AMH: variants seen among roughly 807,000 people sequenced by gnomAD.
AMH encodes anti-Muellerian hormone.
In AMH, 39 loss-of-function variants were observed where a neutral mutation model predicts 33.3. The ratio of observed to expected loss-of-function variants is 1.17; its 90% CI spans 0.91 to 1.53. The LOEUF (loss-of-function observed/expected upper bound fraction) is 1.53. Ranked by LOEUF, AMH falls within the 40% of genes most tolerant of loss-of-function variation. The pLI is 0.00. For synonymous variants in AMH, 536 were observed against 403.0 expected (o/e 1.33, Z -3.95); for missense variants, 1,019 against 799.8 (o/e 1.27, Z -3.30).
In AMH at chr19:2,250,761, G is replaced by T; in HGVS notation, c.664+1G>T. The T allele has an allele frequency of 6.5e-7, 1 of 1,535,034 alleles. No homozygotes were observed. Among genetic ancestry groups the T allele is most frequent in the South Asian group, 1.2e-5 (1 of 84,074 alleles). The stretch of plus-strand genomic sequence containing the variant: ...TTGACCCTGCAGCCCCGCGGAGAGG[G>T]TAGGTCCGCGTGGAGAGGGACGGGG... On this transcript the variant is annotated splice_donor_variant, in intron 3 of 4. Transcript: ENST00000221496. LOFTEE classifies it high-confidence loss of function.
chr19:2,251,366 C>T lies in AMH; in HGVS notation c.1092C>T (p.His364=). 6.8e-7 allele frequency: 1 copy of T among 1,481,070 alleles called. No individual in the cohort carries two copies. The highest frequency in any genetic ancestry group is 8.9e-7 in the Non-Finnish European group (1 of 1,122,932). 91.7% of individuals were successfully genotyped at this position (1,481,070 alleles called of 1,614,324 possible). A position where few individuals can be genotyped will look rare whatever the true frequency, so the allele number is the denominator to read the frequency against. ...CCACCGGGGATCCTGCGCCCCTGCACGACCCCACGTCGGCGCCGTGGGCCA... is the reference window on the plus strand; with the variant it reads ...CCACCGGGGATCCTGCGCCCCTGCATGACCCCACGTCGGCGCCGTGGGCCA... ...AATTGDPAPL[H]DPTSAPWATA... is the part of the protein sequence containing the mutation. Residue 364 remains histidine (H), a synonymous_variant, in exon 5 of 5, where the codon CAC becomes CAT. Coordinates refer to ENST00000221496, the MANE Select transcript of AMH (RefSeq NM_000479.5).
chr19:2,250,451 T>C lies in AMH; in HGVS notation c.527T>C (p.Val176Ala). 1 of 1,551,712 alleles carries C rather than the reference T, an allele frequency of 6.4e-7. No homozygotes were observed. The change falls in exon 2 of 5, where the codon GTG (valine) becomes GCG (alanine). Residue 176 changes from valine to alanine, a missense_variant. Physicochemically the swap from Val to Ala is moderately conservative, Grantham distance 64. Transcript: ENST00000221496. ...LYPGPGPEVT[V>A]TRAGLPGAQS... ...CCTGGGCCTGGCCCTGAGGTCACTG[T>C]GACGAGGGCTGGGCTGCCGGGTGCC...
Position 2,250,438 on chromosome 19 carries a change from C to T in AMH, c.514C>T (p.Pro172Ser). Residue 172 changes from proline (P) to serine (S), a missense_variant, in exon 2 of 5, where the codon CCT (proline) becomes TCT (serine). Coordinates refer to ENST00000221496, the MANE Select transcript of AMH (RefSeq NM_000479.5). ...ALLVLYPGPGPEVTVTRAGLP... is the reference protein window; with the variant it reads ...ALLVLYPGPGSEVTVTRAGLP... ...GCTGGTGCTGTACCCTGGGCCTGGCCCTGAGGTCACTGTGACGAGGGCTGG... is the reference window on the plus strand; with the variant it reads ...GCTGGTGCTGTACCCTGGGCCTGGCTCTGAGGTCACTGTGACGAGGGCTGG... 1.3e-6 allele frequency: 2 copies of T among 1,555,644 alleles called. No homozygotes were observed. Among genetic ancestry groups the T allele is most frequent in the South Asian group, 1.2e-5 (1 of 84,552 alleles).
chr19:2,251,752 G>A lies in AMH; in HGVS notation c.1478G>A (p.Gly493Asp). ...YQANNCQGVCGWPQSDRNPRY... is the reference protein window; with the variant it reads ...YQANNCQGVCDWPQSDRNPRY... The stretch of plus-strand genomic sequence containing the variant: ...GCCAACAATTGCCAGGGCGTGTGCG[G>A]CTGGCCTCAGTCCGACCGCAACCCG... Residue 493 changes from glycine (G) to aspartate (D), a missense_variant, in exon 5 of 5, where the codon GGC becomes GAC. Physicochemically the swap from Gly to Asp is moderately conservative, Grantham distance 94 (BLOSUM62 -1). Transcript: ENST00000221496. 1 of 1,611,524 alleles carries A rather than the reference G, an allele frequency of 6.2e-7. No homozygotes were observed. The highest frequency in any genetic ancestry group is 8.5e-7 in the Non-Finnish European group (1 of 1,179,598).
chr19:2,251,544 G>C lies in AMH; in HGVS notation c.1270G>C (p.Ala424Pro). 1 of 1,340,124 alleles carries C rather than the reference G, an allele frequency of 7.5e-7. No homozygotes were observed. The highest frequency in any genetic ancestry group is 9.5e-7 in the Non-Finnish European group (1 of 1,047,692). The allele number at this position is 1,340,124 out of a possible 1,614,324, so 83.0% of individuals were successfully genotyped here. Residue 424 changes from alanine to proline, a missense_variant, in exon 5 of 5, where the codon GCG (alanine) becomes CCG (proline). Ala to Pro is a conservative substitution (Grantham distance 27). Transcript: ENST00000221496. ...CGGCGGCCTCGGCGATCCCCTGCGA[G>C]CGCTGCTGCTCCTGAAGGCGCTGCA... ...GPGGLGDPLR[A>P]LLLLKALQGL...
rs2025045089 is a variant in AMH, at chr19:2,251,588, G to A, written c.1314G>A (p.Trp438Ter). ...LKALQGLRVE[W>*]RGRDPRGPGR... ...CGCTGCAGGGCCTGCGCGTGGAGTG[G>A]CGCGGGCGGGATCCGCGCGGGCCGG... The change falls in exon 5 of 5, where the codon TGG (tryptophan) becomes TGA (stop). Residue 438 changes from tryptophan (W) to a stop codon, truncating the protein, a stop_gained. Coordinates refer to ENST00000221496, the MANE Select transcript of AMH (RefSeq NM_000479.5). LOFTEE classifies it high-confidence loss of function. 1 of 1,286,674 alleles carries A rather than the reference G, an allele frequency of 7.8e-7. No homozygotes were observed. The highest frequency in any genetic ancestry group is 9.8e-7 in the Non-Finnish European group (1 of 1,021,058). The allele number at this position is 1,286,674 out of a possible 1,614,324, so 79.7% of individuals were successfully genotyped here. A position where few individuals can be genotyped will look rare whatever the true frequency, so the allele number is the denominator to read the frequency against.
intron 1 of AMH, 154 bp downstream of exon 1, chr19:2,249,898 A>C: frequency 1.1e-6 from 1 of 880,038 alleles, no homozygotes; most frequent in South Asian, 2.0e-5. Context: ...GTGGCCTGGA[A>C]GGTGGGCACC....
chr19:2,251,401 C>T lies in AMH; in HGVS notation c.1127C>T (p.Ala376Val), dbSNP rs1181056419. 1.4e-6 allele frequency: 2 copies of T among 1,452,198 alleles called. No individual in the cohort carries two copies. Among genetic ancestry groups the T allele is most frequent in the Middle Eastern group, 2.4e-4 (1 of 4,178 alleles). 90.0% of individuals were successfully genotyped at this position (1,452,198 alleles called of 1,614,324 possible). Residue 376 changes from alanine to valine, a missense_variant, in exon 5 of 5, where the codon GCG (alanine) becomes GTG (valine). By Grantham distance (64) the Ala-to-Val change is moderately conservative. Coordinates refer to ENST00000221496, the MANE Select transcript of AMH (RefSeq NM_000479.5). ...TCGGCGCCGTGGGCCACGGCCCTGG[C>T]GCGCCGCGTGGCTGCTGAACTGCAA... Reference protein sequence around the residue: ...PTSAPWATALARRVAAELQAA... With the variant: ...PTSAPWATALVRRVAAELQAA...
Position 2,250,914 on chromosome 19 carries a change from C to T in AMH, c.730C>T (p.Arg244Trp), listed in dbSNP as rs866178812. 3 of 1,566,226 alleles carry T rather than the reference C, an allele frequency of 1.9e-6. No homozygotes were observed. The highest frequency in any genetic ancestry group is 1.3e-5 in the African/African-American group (1 of 74,202). Residue 244 changes from arginine to tryptophan, a missense_variant, in exon 4 of 5, where the codon CGG becomes TGG. Coordinates refer to ENST00000221496, the MANE Select transcript of AMH (RefSeq NM_000479.5). Reference sequence around the variant, plus strand: ...CGGCGACGACCACCGCTGCTTCACACGGATGACCCCGGCCCTGCTCCTGCT... The same window carrying T: ...CGGCGACGACCACCGCTGCTTCACATGGATGACCCCGGCCCTGCTCCTGCT... ...LFGDDHRCFT[R>W]MTPALLLLPR...
Position 2,249,407 on chromosome 19 carries a change from C to G in AMH, c.75C>G (p.Leu25=). The change falls in exon 1 of 5, where the codon CTC becomes CTG. Residue 25 remains leucine (L), a synonymous_variant. Transcript: ENST00000221496. ...GGGCTCTGCTGGGGACTGAGGCCCT[C>G]AGAGCAGAGGAGCCAGCTGTGGGCA... ...ALGALLGTEA[L]RAEEPAVGTS... 6.3e-7 allele frequency: 1 copy of G among 1,595,302 alleles called. No individual in the cohort carries two copies. The highest frequency in any genetic ancestry group is 8.5e-7 in the Non-Finnish European group (1 of 1,171,794).
chr19:2,249,535 C>T lies in AMH; in HGVS notation c.203C>T (p.Ser68Phe), dbSNP rs766939270. The T allele has an allele frequency of 5.0e-6, 8 of 1,597,758 alleles. No individual in the cohort carries two copies. The highest frequency in any genetic ancestry group is 2.3e-5 in the East Asian group (1 of 44,198). The change falls in exon 1 of 5, where the codon TCC becomes TTC. Residue 68 changes from serine to phenylalanine, a missense_variant. Ser to Phe is a radical substitution (Grantham distance 155). Coordinates refer to ENST00000221496, the MANE Select transcript of AMH (RefSeq NM_000479.5). ...ALGGDSNGSS[S>F]PLRVVGALSA... ...GGCGGGGACAGCAATGGCAGCAGCTCCCCCCTGCGGGTGGTGGGGGCTCTA... is the reference window on the plus strand; with the variant it reads ...GGCGGGGACAGCAATGGCAGCAGCTTCCCCCTGCGGGTGGTGGGGGCTCTA...
Position 2,251,688 on chromosome 19 carries a change from C to A in AMH, c.1414C>A (p.Arg472Ser). ...CALRELSVDL[R>S]AERSVLIPET... is the part of the protein sequence containing the mutation. ...GCTGCGCGAGCTCAGCGTAGACCTC[C>A]GCGCCGAGCGCTCCGTACTCATCCC... Residue 472 changes from arginine to serine, a missense_variant, in exon 5 of 5, where the codon CGC becomes AGC. Arg to Ser is a moderately radical substitution (Grantham distance 110). Coordinates refer to ENST00000221496, the MANE Select transcript of AMH (RefSeq NM_000479.5). The A allele has an allele frequency of 6.2e-7, 1 of 1,611,332 alleles. No homozygotes were observed. The highest frequency in any genetic ancestry group is 8.5e-7 in the Non-Finnish European group (1 of 1,179,434).
In AMH at chr19:2,250,994, C is replaced by T. The variant is rs1415141101; in HGVS notation, c.810C>T (p.Pro270=). The T allele has an allele frequency of 2.6e-6, 4 of 1,514,796 alleles. No homozygotes were observed. Among genetic ancestry groups the T allele is most frequent in the Admixed American group, 2.0e-5 (1 of 49,342 alleles). 93.8% of individuals were successfully genotyped at this position (1,514,796 alleles called of 1,614,324 possible). Residue 270 remains proline, a synonymous_variant, in exon 4 of 5, where the codon CCC becomes CCT. Coordinates refer to ENST00000221496, the MANE Select transcript of AMH (RefSeq NM_000479.5). ...LPAHGQLDTV[P]FPPPRPSAEL... The stretch of plus-strand genomic sequence containing the variant: ...CGCACGGCCAGCTGGACACCGTGCC[C>T]TTCCCGCCGCCCAGGTGCGCGCAGG...
chr19:2,249,354 AGCCTG>A lies in AMH; in HGVS notation c.26_30del (p.Leu9ProfsTer13), dbSNP rs1390944850. 6.3e-7 allele frequency: 1 copy of A among 1,578,486 alleles called. No individual in the cohort carries two copies. The highest frequency in any genetic ancestry group is 1.4e-5 in the African/African-American group (1 of 74,066). The stretch of plus-strand genomic sequence containing the variant: ...CACGATGCGGGACCTGCCTCTCACC[AGCCTG>A]GCCCTAGTGCTGTCTGCCCTGGGGG... On this transcript the variant is annotated frameshift_variant, in exon 1 of 5. Coordinates refer to ENST00000221496, the MANE Select transcript of AMH (RefSeq NM_000479.5). LOFTEE classifies it high-confidence loss of function.
Position 2,250,349 on chromosome 19 carries a change from C to A in AMH, c.425C>A (p.Pro142Gln). The change falls in exon 2 of 5, where the codon CCA (proline) becomes CAA (glutamine). Residue 142 changes from proline to glutamine, a missense_variant. Physicochemically the swap from Pro to Gln is moderately conservative, Grantham distance 76. Transcript: ENST00000221496. ...VLHLEEVTWE[P>Q]TPSLRFQEPP... ...GTCCCGGCTGCAGTGACCTGGGAGC[C>A]AACACCCTCGCTGAGGTTCCAGGAG... The A allele has an allele frequency of 6.3e-7, 1 of 1,598,334 alleles. No individual in the cohort carries two copies.
At position 2,249,756 on chromosome 19, in the gene AMH, C is replaced by T. The variant is rs1414426172; in HGVS notation, c.412+12C>T. 3 of 1,495,976 alleles carry T rather than the reference C, an allele frequency of 2.0e-6. No individual in the cohort carries two copies. Among genetic ancestry groups the T allele is most frequent in the African/African-American group, 1.4e-5 (1 of 71,550 alleles). 92.7% of individuals were successfully genotyped at this position (1,495,976 alleles called of 1,614,324 possible). Reference sequence around the variant, plus strand: ...ACACCTGGAGGAAGGTATGTGGGGCCCAGCCCCAAGCTTGGCACCGCCGTC... The same window carrying T: ...ACACCTGGAGGAAGGTATGTGGGGCTCAGCCCCAAGCTTGGCACCGCCGTC... On this transcript the variant is annotated intron_variant, in intron 1 of 4. Coordinates refer to ENST00000221496, the MANE Select transcript of AMH (RefSeq NM_000479.5).
intron 3 of AMH, 29 bp from the exon 4 acceptor site, chr19:2,250,818 CCT>C: frequency 2.6e-6 from 4 of 1,545,000 alleles, no homozygotes; most frequent in Non-Finnish European, 2.6e-6. Flanking sequence ...GCCCCCAGCC[CCT>C]GAGCCAGCCG....
Position 2,251,647 on chromosome 19 carries a change from C to G in AMH, c.1373C>G (p.Ala458Gly). The G allele has an allele frequency of 1.3e-6, 2 of 1,596,990 alleles. No individual in the cohort carries two copies. The highest frequency in any genetic ancestry group is 1.7e-4 in the Middle Eastern group (1 of 5,988). The change falls in exon 5 of 5, where the codon GCC becomes GGC. Residue 458 changes from alanine to glycine, a missense_variant. Physicochemically the swap from Ala to Gly is moderately conservative, Grantham distance 60 (BLOSUM62 0). Transcript: ENST00000221496. The part of the protein sequence containing the change: ...RAQRSAGATA[A>G]DGPCALRELS... ...CAGCGCAGCGCGGGGGCCACCGCCG[C>G]CGACGGGCCGTGCGCGCTGCGCGAG...
chr19:2,252,072 G>C lies in AMH; in HGVS notation c.*115G>C, dbSNP rs1199081592. The stretch of plus-strand genomic sequence containing the variant: ...CCCAATAAAGACCAGCAAGCAACCG[G>C]CTGGGGTGTCCGTGCGTGTTAGGGG... On this transcript the variant is annotated 3_prime_UTR_variant, in exon 5 of 5. Coordinates refer to ENST00000221496, the MANE Select transcript of AMH (RefSeq NM_000479.5). 6.9e-7 allele frequency: 1 copy of C among 1,447,900 alleles called. No individual in the cohort carries two copies. Among genetic ancestry groups the C allele is most frequent in the Admixed American group, 2.1e-5 (1 of 47,650 alleles). The allele number at this position is 1,447,900 out of a possible 1,614,324, so 89.7% of individuals were successfully genotyped here.
Sources: gnomAD v4.1 joint callset for allele counts on GRCh38, gnomAD v4.1.1 for gene constraint, MANE v1.5 for transcripts, NCBI Gene and HGNC (gene_info 2026-07-23, HGNC 2026-07-21) for gene names.